Variants in DLGAP1 observed in about 807,000 individuals in gnomAD.
DLGAP1 encodes disks large-associated protein 1.
Under a neutral mutation model 90.8 loss-of-function variants are expected in DLGAP1, and 11 were observed. That is an observed-to-expected ratio of 0.12 (90% CI 0.08 to 0.20). The LOEUF is 0.20. DLGAP1 is among the 10% of genes least tolerant of loss of function. The probability of loss-of-function intolerance (pLI) is 1.00; values close to 1 mark genes in which losing one functional copy is unlikely to be tolerated. For missense variants in DLGAP1, 1,050 were observed against 1,333.8 expected (o/e 0.79, Z 3.31); for synonymous variants, 558 against 540.7 (o/e 1.03, Z -0.44).
At chr18:4,118,178 T>C (rs531627557) in intron 2 of DLGAP1, among the ~76,000 whole-genome samples, 1 of 152,242 alleles carries the variant, frequency 6.6e-6, no homozygotes, top group Non-Finnish European at 1.5e-5. Context: ...ACAATGTCCT[T>C]AAGCATGGAA....
intron 3 of DLGAP1, among the ~76,000 whole-genome samples, chr18:3,898,501 C>T (rs2071706139): frequency 6.6e-6 from 1 of 152,166 alleles, no homozygotes; most frequent in East Asian, 1.9e-4. Flanking sequence ...CCAGAGCTCA[C>T]AGTTTAGGCA....
intron 2 of DLGAP1, among the ~76,000 whole-genome samples, chr18:4,140,893 C>T (rs1283548115): frequency 6.6e-6 from 1 of 151,962 alleles, no homozygotes; most frequent in Non-Finnish European, 1.5e-5. Flanking sequence ...ACTGAGAAGT[C>T]TGCTGCCAGA....
chr18:3,836,573 T>C (rs922336574), intron 4 of DLGAP1, among the ~76,000 whole-genome samples: 1 of 152,142 alleles, frequency 6.6e-6, no homozygotes, highest in African/African-American at 2.4e-5. Context: ...ATTGCACTTT[T>C]CGACCCTCCT....
chr18:3,940,180 A>C (rs2072737997), intron 3 of DLGAP1, among the ~76,000 whole-genome samples: 1 of 152,216 alleles, frequency 6.6e-6, no homozygotes, highest in Non-Finnish European at 1.5e-5. Context: ...TGAGGAACTA[A>C]GGCCTCCTGC....
chr18:3,907,151 G>T (rs923708206), intron 3 of DLGAP1, among the ~76,000 whole-genome samples: 2 of 139,144 alleles, frequency 1.4e-5, no homozygotes, highest in African/African-American at 5.2e-5. Context: ...GTGGGGGCAG[G>T]GCGGGGGTCC....
intron 4 of DLGAP1, among the ~76,000 whole-genome samples, chr18:3,863,356 AC>A (rs2070198336): frequency 6.6e-6 from 1 of 152,310 alleles, no homozygotes; most frequent in East Asian, 1.9e-4. Context: ...ATTTTTAATA[AC>A]AAGAAACTCT....
chr18:3,728,689 G>C (rs905023217), intron 7 of DLGAP1, among the ~76,000 whole-genome samples: 1 of 152,106 alleles, frequency 6.6e-6, no homozygotes, highest in African/African-American at 2.4e-5. Context: ...CAGGTCTTTT[G>C]GGATAGTCAC....
At chr18:3,522,247 C>A (rs935153348) in intron 10 of DLGAP1, among the ~76,000 whole-genome samples, 12 of 151,420 alleles carry the variant, frequency 7.9e-5, no homozygotes, top group African/African-American at 2.9e-4. Context: ...AGTGATTCTC[C>A]TGCCTCAGCC....
chr18:3,561,041 T>G (rs1210171567), intron 9 of DLGAP1, among the ~76,000 whole-genome samples: 2 of 150,740 alleles, frequency 1.3e-5, no homozygotes, highest in Non-Finnish European at 2.9e-5. Flanking sequence ...CACTTATACA[T>G]AAATAAATAA....
At chr18:4,111,230 G>C (rs1246834464) in intron 2 of DLGAP1, among the ~76,000 whole-genome samples, 1 of 152,058 alleles carries the variant, frequency 6.6e-6, no homozygotes, top group East Asian at 1.9e-4. Context: ...TTTGAATGCT[G>C]AACCAACCTC....
intron 3 of DLGAP1, among the ~76,000 whole-genome samples, chr18:3,958,926 G>C (rs2073137716): frequency 6.6e-6 from 1 of 152,200 alleles, no homozygotes. Flanking sequence ...AAGGCTTCTA[G>C]TTATCTTATT....
chr18:4,001,930 C>T (rs1305633443), intron 3 of DLGAP1, among the ~76,000 whole-genome samples: 1 of 152,164 alleles, frequency 6.6e-6, no homozygotes, highest in African/African-American at 2.4e-5. Context: ...GTTTCTCTGC[C>T]TCTTGGGGCC....
chr18:3,927,168 C>A (rs2072410585), intron 3 of DLGAP1, among the ~76,000 whole-genome samples: 1 of 152,148 alleles, frequency 6.6e-6, no homozygotes, highest in Non-Finnish European at 1.5e-5. Flanking sequence ...GAAGATCACA[C>A]AGGCTGGTAG....
chr18:4,182,778 A>G (rs139309535), intron 1 of DLGAP1, among the ~76,000 whole-genome samples: 4 of 152,302 alleles, frequency 2.6e-5, no homozygotes, highest in African/African-American at 9.6e-5. Flanking sequence ...TAGCACCTAC[A>G]AAGGATAGTT....
At position 3,704,327 on chromosome 18, in the gene DLGAP1, T is replaced by C. The variant is rs59151829; in HGVS notation, c.1591+24808A>G. On this transcript the variant is annotated intron_variant, in intron 7 of 12. Transcript: ENST00000315677. ...GGCTCATGCCTGTAATCCCAGCACT[T>C]TGGGAGGTCGAGGCAGGTGGATTAC... is the stretch of plus-strand genomic sequence containing the variant. Among the ~76,000 whole-genome samples, 12 of 152,192 alleles carry C rather than the reference T, an allele frequency of 7.9e-5. No homozygotes were observed. In the East Asian group the frequency reaches 1.9e-3, roughly 25 times the overall value.
intron 3 of DLGAP1, among the ~76,000 whole-genome samples, chr18:3,954,447 C>T (rs2148970573): frequency 6.6e-6 from 1 of 152,258 alleles, no homozygotes; most frequent in South Asian, 2.1e-4. Context: ...AAGGATGAAA[C>T]TGAATGTACT....
In DLGAP1 at chr18:3,637,603, C is replaced by T. The variant is rs1023667559; in HGVS notation, c.1592-55355G>A. The stretch of plus-strand genomic sequence containing the variant: ...AAAAAAAAAAAAAAAAAAAATTAGC[C>T]GGGCATGGTGGCATGCACCTATAGT... On this transcript the variant is annotated intron_variant, in intron 7 of 12. Coordinates refer to ENST00000315677, the MANE Select transcript of DLGAP1 (RefSeq NM_004746.4). 6.8e-5 allele frequency among the ~76,000 whole-genome samples: 10 copies of T among 148,054 alleles called. 1 individual carries two copies. Among genetic ancestry groups the T allele is most frequent in the Non-Finnish European group, 8.9e-5 (6 of 67,442 alleles).
chr18:3,629,813 G>A (rs1013254399), intron 7 of DLGAP1, among the ~76,000 whole-genome samples: 3 of 152,084 alleles, frequency 2.0e-5, no homozygotes, highest in Admixed American at 6.5e-5. Context: ...ACTTTTTGCA[G>A]GTTTTGATAT....
intron 7 of DLGAP1, among the ~76,000 whole-genome samples, chr18:3,686,187 C>T (rs1020659091): frequency 6.6e-6 from 1 of 151,592 alleles, no homozygotes; most frequent in African/African-American, 2.4e-5. Flanking sequence ...AACAAACAAA[C>T]AAACAAACAA....
Sources: allele counts gnomAD v4.1 joint callset (sites outside exome capture counted in the v4.1 genomes callset), GRCh38; gene constraint gnomAD v4.1.1; transcripts MANE v1.5; gene names NCBI Gene and HGNC (gene_info 2026-07-23, HGNC 2026-07-21).